The following CCDC93 variants were observed in gnomAD, a reference collection of about 807,000 sequenced individuals.
The protein encoded by CCDC93 is coiled-coil domain-containing protein 93.
In CCDC93, 61 loss-of-function variants were observed where a neutral mutation model predicts 108.2. The observed-to-expected ratio is 0.56, with a 90% CI of 0.46 to 0.70. The LOEUF (loss-of-function observed/expected upper bound fraction) is 0.70. Among genes scored for constraint, CCDC93 ranks in the 30% least tolerant of loss-of-function variants. CCDC93 has a pLI of 0.00. For missense variants in CCDC93, 685 were observed against 764.2 expected (o/e 0.90, Z 1.22); for synonymous variants, 276 against 260.4 (o/e 1.06, Z -0.58).
At chr2:117,984,179 A>C (rs1680244585) in intron 7 of CCDC93, among the ~76,000 whole-genome samples, 1 of 152,152 alleles carries the variant, frequency 6.6e-6, no homozygotes, top group Non-Finnish European at 1.5e-5. Context: ...TTGCCAAAAA[A>C]GCTAAAAAAA....
chr2:117,927,608 T>G (rs540187557), intron 23 of CCDC93, among the ~76,000 whole-genome samples: 17 of 152,196 alleles, frequency 1.1e-4, no homozygotes, highest in Admixed American at 5.2e-4. Flanking sequence ...TGAAATAAAA[T>G]AGGATACAAA....
At chr2:117,941,681 A>C (rs570796685) in intron 18 of CCDC93, among the ~76,000 whole-genome samples, 3 of 152,176 alleles carry the variant, frequency 2.0e-5, no homozygotes, top group Non-Finnish European at 4.4e-5. Context: ...AGATGATGGG[A>C]AGCTATGCCA....
At chr2:117,955,681 A>G (rs1171101619) in intron 12 of CCDC93, among the ~76,000 whole-genome samples, 1 of 152,226 alleles carries the variant, frequency 6.6e-6, no homozygotes, top group East Asian at 1.9e-4. Context: ...CCTCCCATTC[A>G]TAAGGATGCT....
At position 117,949,374 on chromosome 2, in the gene CCDC93, GT is replaced by G; in HGVS notation, c.1089del (p.Lys363AsnfsTer12). 1 of 1,613,478 alleles carries G rather than the reference GT, an allele frequency of 6.2e-7. No homozygotes were observed. The highest frequency in any genetic ancestry group is 8.5e-7 in the Non-Finnish European group (1 of 1,179,398). ...TLTELKTYSE[K>X]LDKEQAALEK... Reference sequence around the variant, plus strand: ...TCGAGGGCTGCTTGCTCTTTGTCCAGTTTCTCACTGTAAGTCTTCAGCTGCA... The same window carrying G: ...TCGAGGGCTGCTTGCTCTTTGTCCAGTTCTCACTGTAAGTCTTCAGCTGCA... On this transcript the variant is annotated frameshift_variant, in exon 14 of 24. Transcript: ENST00000376300. LOFTEE classifies it high-confidence loss of function.
At chr2:117,997,909 C>G (rs1281344323) in intron 4 of CCDC93, 1 of 152,116 alleles carries the variant, frequency 6.6e-6, no homozygotes, top group Non-Finnish European at 1.5e-5. Flanking sequence ...CAGAGCTGCT[C>G]CCATTAATCC....
chr2:117,937,732 G>A (rs528965424), intron 20 of CCDC93, among the ~76,000 whole-genome samples: 1 of 152,360 alleles, frequency 6.6e-6, no homozygotes, highest in Non-Finnish European at 1.5e-5. Flanking sequence ...CCAGGTAGGA[G>A]GGCCCCAAGG....
intron 6 of CCDC93, among the ~76,000 whole-genome samples, chr2:117,993,265 G>C (rs1680536554): frequency 6.6e-6 from 1 of 151,876 alleles, no homozygotes; most frequent in South Asian, 2.1e-4. Flanking sequence ...GTCTGGTGGC[G>C]GGCGCCTGTA....
intron 7 of CCDC93, among the ~76,000 whole-genome samples, chr2:117,982,779 T>G (rs1680189417): frequency 6.7e-6 from 1 of 149,252 alleles, no homozygotes; most frequent in Non-Finnish European, 1.5e-5. Flanking sequence ...CGTGAGGAAG[T>G]CAGGAATGCC....
chr2:117,951,304 T>C (rs996901291), intron 13 of CCDC93: 14 of 985,262 alleles, frequency 1.4e-5, no homozygotes, highest in Non-Finnish European at 8.4e-6. Context: ...AGGAAGCTAA[T>C]CTGTCCAAAG....
intron 8 of CCDC93, among the ~76,000 whole-genome samples, chr2:117,976,148 G>A (rs1479174605): frequency 6.6e-6 from 1 of 152,116 alleles, no homozygotes; most frequent in Admixed American, 6.6e-5. Flanking sequence ...CTGCCCATGG[G>A]AACACTCCGA....
intron 2 of CCDC93, among the ~76,000 whole-genome samples, chr2:118,007,682 C>CA (rs1454872596): frequency 3.7e-5 from 5 of 135,678 alleles, no homozygotes; most frequent in South Asian, 2.3e-4. Flanking sequence ...AACAAACAAA[C>CA]AACAACAACA....
intron 1 of CCDC93, among the ~76,000 whole-genome samples, chr2:118,012,273 CAAA>C (rs34723469): frequency 4.5e-5 from 6 of 133,114 alleles, no homozygotes; most frequent in African/African-American, 1.1e-4. Flanking sequence ...GACTCTGTCT[CAAA>C]AAAAAAAAAA....
At chr2:117,928,545 C>T (rs1454575646) in intron 23 of CCDC93, among the ~76,000 whole-genome samples, 1 of 152,288 alleles carries the variant, frequency 6.6e-6, no homozygotes, top group Non-Finnish European at 1.5e-5. Context: ...AAATGCAAAT[C>T]AAAACCACAA....
chr2:117,960,582 T>C (rs925174573), intron 11 of CCDC93, among the ~76,000 whole-genome samples: 6 of 152,228 alleles, frequency 3.9e-5, no homozygotes, highest in Non-Finnish European at 7.3e-5. Flanking sequence ...GTGGCACACA[T>C]ACAGCTTTGT....
intron 23 of CCDC93, among the ~76,000 whole-genome samples, chr2:117,925,335 TAA>T (rs1573457578): frequency 6.6e-6 from 1 of 152,214 alleles, no homozygotes; most frequent in African/African-American, 2.4e-5. Context: ...GCAAACTGGA[TAA>T]AGAGTCAAGA....
At position 117,995,261 on chromosome 2, in the gene CCDC93, G is replaced by A. The variant is rs1680608108; in HGVS notation, c.519+185C>T. Reference sequence around the variant, plus strand: ...AACAGTAGTGTGGCAGGTTCTCCCTGTGCATACTGGTGTCCTGGCCCTGAG... The same window carrying A: ...AACAGTAGTGTGGCAGGTTCTCCCTATGCATACTGGTGTCCTGGCCCTGAG... On this transcript the variant is annotated intron_variant, in intron 6 of 23. Transcript: ENST00000376300. 4 of 616,040 alleles carry A rather than the reference G, an allele frequency of 6.5e-6. No individual in the cohort carries two copies. In the East Asian group the frequency reaches 1.1e-4, roughly 17 times the overall value. The allele number at this position is 616,040 out of a possible 1,614,324, so 38.2% of individuals were successfully genotyped here.
intron 16 of CCDC93, among the ~76,000 whole-genome samples, chr2:117,946,325 C>T (rs1455469512): frequency 6.6e-6 from 1 of 152,214 alleles, no homozygotes; most frequent in African/African-American, 2.4e-5. Flanking sequence ...TTCAGAGAAC[C>T]AGCTGTCCAG....
At chr2:117,928,711 A>C (rs1029637378) in intron 23 of CCDC93, among the ~76,000 whole-genome samples, 3 of 152,212 alleles carry the variant, frequency 2.0e-5, no homozygotes, top group Admixed American at 1.3e-4. Flanking sequence ...GCGATTCCTC[A>C]GGCATCTAGA....
At chr2:117,989,947 G>T (rs1380929074) in intron 6 of CCDC93, among the ~76,000 whole-genome samples, 2 of 152,166 alleles carry the variant, frequency 1.3e-5, no homozygotes, top group South Asian at 2.1e-4. Context: ...AGATGATCCG[G>T]TAAGTTCCAC....
Sources: allele counts gnomAD v4.1 joint callset (sites outside exome capture counted in the v4.1 genomes callset), GRCh38; gene constraint gnomAD v4.1.1; transcripts MANE v1.5; gene names NCBI Gene and HGNC (gene_info 2026-07-23, HGNC 2026-07-21).